KIF13A: variants seen among roughly 807,000 people sequenced by gnomAD.
The protein encoded by KIF13A is kinesin-like protein KIF13A.
A neutral mutation model predicts 212.2 loss-of-function variants in KIF13A; 79 were observed. That is an observed-to-expected ratio of 0.37 (90% CI 0.31 to 0.45). The LOEUF (loss-of-function observed/expected upper bound fraction) is 0.45, where lower values mean the gene tolerates loss of function less well. Among genes scored for constraint, KIF13A ranks in the 20% least tolerant of loss-of-function variants. The pLI is 1.00. For missense variants in KIF13A, 1,901 were observed against 2,209.0 expected (o/e 0.86, Z 2.79); for synonymous variants, 789 against 808.6 (o/e 0.98, Z 0.41).
chr6:17,852,650 T>C (rs1315693341), intron 6 of KIF13A, among the ~76,000 whole-genome samples: 1 of 152,206 alleles, frequency 6.6e-6, no homozygotes, highest in Non-Finnish European at 1.5e-5. Flanking sequence ...ATTTCTAGGC[T>C]CAAGCAATCC....
At position 17,967,924 on chromosome 6, in the gene KIF13A, T is replaced by C. The variant is rs1779471605; in HGVS notation, c.146+19130A>G. On this transcript the variant is annotated intron_variant, in intron 2 of 38. Transcript: ENST00000259711. The surrounding 1 kb of genome is among the most constrained non-coding windows in gnomAD (Gnocchi z 4.1). The stretch of plus-strand genomic sequence containing the variant: ...ATAAATGCTTAATAAAGCCTGCAAA[T>C]GGCTTATTTAAAAATATAAATAAAA... 6.6e-6 allele frequency among the ~76,000 whole-genome samples: 1 copy of C among 152,176 alleles called. No homozygotes were observed. The highest frequency in any genetic ancestry group is 2.1e-4 in the South Asian group (1 of 4,832).
chr6:17,936,887 G>C (rs1481528746), intron 2 of KIF13A, among the ~76,000 whole-genome samples: 1 of 152,162 alleles, frequency 6.6e-6, no homozygotes, highest in South Asian at 2.1e-4. Flanking sequence ...TTAGGGCAAA[G>C]GAAAAGGAGA....
Position 17,778,984 on chromosome 6 carries a change from T to C in KIF13A, c.4055A>G (p.Gln1352Arg), listed in dbSNP as rs775338214. 2.2e-5 allele frequency: 36 copies of C among 1,610,468 alleles called. No homozygotes were observed. Among genetic ancestry groups the C allele is most frequent in the Middle Eastern group, 1.7e-4 (1 of 6,060 alleles). The change falls in exon 33 of 39, where the codon CAG becomes CGG. Residue 1352 changes from glutamine to arginine, a missense_variant. By Grantham distance (43) the Gln-to-Arg change is conservative. Transcript: ENST00000259711. Reference sequence around the variant, plus strand: ...TTCAAGACTCAGAATGTTTTCCACCTGCAGCACGCCTCGAGTGTACTTCTC... The same window carrying C: ...TTCAAGACTCAGAATGTTTTCCACCCGCAGCACGCCTCGAGTGTACTTCTC... ...YIEKYTRGVL[Q>R]VENILSLERL...
Position 17,787,746 on chromosome 6 carries a change from C to CTCCCCATAA in KIF13A, c.3361+21_3361+29dup. 7.9e-7 allele frequency: 1 copy of CTCCCCATAA among 1,273,392 alleles called. No individual in the cohort carries two copies. Among genetic ancestry groups the CTCCCCATAA allele is most frequent in the Admixed American group, 1.7e-5 (1 of 59,172 alleles). The allele number at this position is 1,273,392 out of a possible 1,614,324, so 78.9% of individuals were successfully genotyped here. On this transcript the variant is annotated intron_variant, in intron 27 of 38. Transcript: ENST00000259711. This position sits in a 1 kb window ranked among gnomAD's most constrained non-coding sequence, Gnocchi z 4.6. ...CCATTGTGTAAAAGTGAAAAAGCTACTCCCCATAAAAGAGTTTGATCTCAC... is the reference window on the plus strand; with the variant it reads ...CCATTGTGTAAAAGTGAAAAAGCTACTCCCCATAATCCCCATAAAAGAGTTTGATCTCAC...
intron 17 of KIF13A, chr6:17,812,332 C>G (rs565063842): frequency 6.8e-4 from 103 of 151,894 alleles, no homozygotes; most frequent in African/African-American, 2.2e-3. Flanking sequence ...TTTCCTGAGC[C>G]TCTCCCTCCT....
At chr6:17,797,454 C>T (rs1370825095) in intron 22 of KIF13A, among the ~76,000 whole-genome samples, 2 of 152,204 alleles carry the variant, frequency 1.3e-5, no homozygotes, top group Non-Finnish European at 2.9e-5. Flanking sequence ...TCCACAGGAC[C>T]ACTCTGATTT....
chr6:17,907,039 A>G (rs1773571752), intron 2 of KIF13A, among the ~76,000 whole-genome samples: 1 of 152,204 alleles, frequency 6.6e-6, no homozygotes, highest in South Asian at 2.1e-4. Context: ...CATATAGTAT[A>G]TGTCTGTGAA....
chr6:17,790,444 G>T (rs1448224856), intron 25 of KIF13A, among the ~76,000 whole-genome samples: 1 of 152,132 alleles, frequency 6.6e-6, no homozygotes. Flanking sequence ...CTTAGCTGGA[G>T]ATAGGAACCA....
rs370377477 is a variant in KIF13A, at chr6:17,785,598, C to T, written c.3405G>A (p.Glu1135=). ...DDVEREAQLV[E]QWVGLTEERN... Reference sequence around the variant, plus strand: ...TTTCCTCAGTCAGCCCTACCCACTGCTCCACAAGCTGGGCTTCCCGCTCCA... The same window carrying T: ...TTTCCTCAGTCAGCCCTACCCACTGTTCCACAAGCTGGGCTTCCCGCTCCA... The change falls in exon 28 of 39, where the codon GAG becomes GAA. Residue 1135 remains glutamate, a synonymous_variant. Transcript: ENST00000259711. This position sits in a 1 kb window ranked among gnomAD's most constrained non-coding sequence, Gnocchi z 5.8. 37 of 1,606,092 alleles carry T rather than the reference C, an allele frequency of 2.3e-5. No individual in the cohort carries two copies. Among genetic ancestry groups the T allele is most frequent in the Non-Finnish European group, 5.1e-6 (6 of 1,176,568 alleles).
chr6:17,913,343 CAATAATTAGTTGAG>C (rs1358347871), intron 2 of KIF13A, among the ~76,000 whole-genome samples: 2 of 152,086 alleles, frequency 1.3e-5, no homozygotes, highest in Non-Finnish European at 2.9e-5. Context: ...AGTGGGCACT[CAATAATTAGTTGAG>C]TATTTTTCTT....
Position 17,970,323 on chromosome 6 carries a change from C to T in KIF13A, c.146+16731G>A, listed in dbSNP as rs117906924. Among the ~76,000 whole-genome samples, 22 of 152,074 alleles carry T rather than the reference C, an allele frequency of 1.4e-4. No individual in the cohort carries two copies. In the East Asian group the frequency reaches 3.9e-3, roughly 27 times the overall value. ...TGTATAGAAATACATAAAAGCAGGCCGGGCATGGTGACTCATGCCTGTAAT... is the reference window on the plus strand; with the variant it reads ...TGTATAGAAATACATAAAAGCAGGCTGGGCATGGTGACTCATGCCTGTAAT... On this transcript the variant is annotated intron_variant, in intron 2 of 38. Transcript: ENST00000259711.
chr6:17,761,638 C>T (rs1364806902), downstream of KIF13A, among the ~76,000 whole-genome samples: 2 of 152,290 alleles, frequency 1.3e-5, no homozygotes, highest in East Asian at 1.9e-4. Flanking sequence ...CCGCCTCAGC[C>T]TCCCAAAGTG....
chr6:17,910,582 CTG>C (rs1384458310), intron 2 of KIF13A, among the ~76,000 whole-genome samples: 2 of 151,802 alleles, frequency 1.3e-5, no homozygotes, highest in African/African-American at 2.4e-5. Context: ...TTAAAATTAA[CTG>C]TTAGTTTTTG....
Position 17,773,701 on chromosome 6 carries a change from A to T in KIF13A, c.4219-118T>A, listed in dbSNP as rs538573941. The T allele has an allele frequency of 3.9e-6, 2 of 508,580 alleles. No homozygotes were observed. Among genetic ancestry groups the T allele is most frequent in the Non-Finnish European group, 7.0e-6 (2 of 287,228 alleles). 31.5% of individuals were successfully genotyped at this position (508,580 alleles called of 1,614,324 possible). A position where few individuals can be genotyped will look rare whatever the true frequency, so the allele number is the denominator to read the frequency against. On this transcript the variant is annotated intron_variant, in intron 35 of 38. Coordinates refer to ENST00000259711, the MANE Select transcript of KIF13A (RefSeq NM_022113.6). This position sits in a 1 kb window ranked among gnomAD's most constrained non-coding sequence, Gnocchi z 4.2. ...GCAGCATATGCTCTTCTTTATTTTTATTATGATTTATTTCAAATATACAGA... is the reference window on the plus strand; with the variant it reads ...GCAGCATATGCTCTTCTTTATTTTTTTTATGATTTATTTCAAATATACAGA...
chr6:17,821,588 TTGGGG>T (rs1764451116), intron 16 of KIF13A, among the ~76,000 whole-genome samples: 10 of 146,382 alleles, frequency 6.8e-5, no homozygotes, highest in Non-Finnish European at 9.1e-5. Flanking sequence ...TGTGTGTGTG[TTGGGG>T]GTGGGGTGTT....
At chr6:17,802,290 A>T (rs1762525121) in intron 20 of KIF13A, among the ~76,000 whole-genome samples, 1 of 151,498 alleles carries the variant, frequency 6.6e-6, no homozygotes, top group Admixed American at 6.6e-5. Context: ...AGTTGTTCTT[A>T]AGCTTTTTTT....
At chr6:17,969,813 T>G (rs765449327) in intron 2 of KIF13A, among the ~76,000 whole-genome samples, 4 of 152,260 alleles carry the variant, frequency 2.6e-5, no homozygotes, top group Non-Finnish European at 5.9e-5. Flanking sequence ...TTGGAAAATA[T>G]ATTTAGGATA....
rs1278072135 is a variant in KIF13A at position 17,850,026 on chromosome 6, T to C, written c.717+297A>G. Among the ~76,000 whole-genome samples the C allele has an allele frequency of 6.6e-6, 1 of 152,170 alleles. No homozygotes were observed. The highest frequency in any genetic ancestry group is 1.5e-5 in the Non-Finnish European group (1 of 68,022). On this transcript the variant is annotated intron_variant, in intron 8 of 38. Transcript: ENST00000259711. The surrounding 1 kb of genome is among the most constrained non-coding windows in gnomAD (Gnocchi z 6.2). ...TGTTTTTGTAGAGTCTGGGTGTTGCTATATTGTACAAGATGGTCATGAACT... is the reference window on the plus strand; with the variant it reads ...TGTTTTTGTAGAGTCTGGGTGTTGCCATATTGTACAAGATGGTCATGAACT...
rs1439294036 is a variant in KIF13A at position 17,834,186 on chromosome 6, G to C, written c.1156-115C>G. 2 of 613,260 alleles carry C rather than the reference G, an allele frequency of 3.3e-6. No homozygotes were observed. Among genetic ancestry groups the C allele is most frequent in the African/African-American group, 3.9e-5 (2 of 51,718 alleles). 38.0% of individuals were successfully genotyped at this position (613,260 alleles called of 1,614,324 possible). ...TCAATAGTCTGTTGGAAAAAATTAA[G>C]TTATATGCTGTTAGGGTGGGTTTTT... On this transcript the variant is annotated intron_variant, in intron 11 of 38. Transcript: ENST00000259711. This position sits in a 1 kb window ranked among gnomAD's most constrained non-coding sequence, Gnocchi z 4.0.
Sources: gnomAD v4.1 joint callset for allele counts (sites outside exome capture counted in the v4.1 genomes callset) on GRCh38, gnomAD v4.1.1 for gene constraint, Gnocchi (gnomAD v3.1) non-coding constraint, MANE v1.5 for transcripts, NCBI Gene and HGNC (gene_info 2026-07-23, HGNC 2026-07-21) for gene names.